ENTPD5: variants seen among roughly 807,000 people sequenced by gnomAD.
The protein encoded by ENTPD5 is nucleoside diphosphate phosphatase ENTPD5.
ENTPD5 carries 49 observed loss-of-function variants against 60.2 expected under a neutral mutation model. The ratio of observed to expected loss-of-function variants is 0.81; its 90% CI spans 0.65 to 1.03. The LOEUF (loss-of-function observed/expected upper bound fraction) is 1.03. Among genes scored for constraint, ENTPD5 ranks in the 50% least tolerant of loss-of-function variants. The pLI, the probability that ENTPD5 is intolerant of heterozygous loss-of-function variation, is 0.00. For missense variants in ENTPD5, 480 were observed against 507.6 expected (o/e 0.95, Z 0.52); for synonymous variants, 187 against 185.4 (o/e 1.01, Z -0.07).
At chr14:73,999,506 C>CA (rs554123908) in intron 3 of ENTPD5, among the ~76,000 whole-genome samples, 99 of 145,188 alleles carry the variant, frequency 6.8e-4, no homozygotes, top group African/African-American at 2.4e-3. Flanking sequence ...CCAAAAAAAA[C>CA]AAAGGTAGGC....
At chr14:73,955,935 C>T (rs1594792754), downstream of ENTPD5, 2 of 1,613,816 alleles carry the variant, frequency 1.2e-6, no homozygotes, top group African/African-American at 1.3e-5. Context: ...TCTGGTGAGG[C>T]CCCCATCTTC....
chr14:74,001,330 G>A (rs535712016), intron 3 of ENTPD5, among the ~76,000 whole-genome samples: 61 of 152,082 alleles, frequency 4.0e-4, no homozygotes, highest in Non-Finnish European at 6.6e-4. Flanking sequence ...GTGAAATCCC[G>A]TCTCTACTAA....
Position 73,963,318 on chromosome 14 carries a change from A to G in ENTPD5, c.*3610T>C. The G allele has an allele frequency of 4.4e-6, 2 of 450,868 alleles. No individual in the cohort carries two copies. Among genetic ancestry groups the G allele is most frequent in the South Asian group, 9.3e-5 (2 of 21,468 alleles). The allele number at this position is 450,868 out of a possible 1,614,324, so 27.9% of individuals were successfully genotyped here. A position where few individuals can be genotyped will look rare whatever the true frequency, so the allele number is the denominator to read the frequency against. On this transcript the variant is annotated 3_prime_UTR_variant, in exon 16 of 16. Coordinates refer to ENST00000334696, the MANE Select transcript of ENTPD5 (RefSeq NM_001249.5). ...TTAATCATTTCTAAAGAGAAAATTT[A>G]CATTTTGTTTTTGTTTTAATGTTGG...
chr14:73,969,598 G>A (rs1018034767), intron 15 of ENTPD5, among the ~76,000 whole-genome samples: 2 of 152,094 alleles, frequency 1.3e-5, no homozygotes, highest in African/African-American at 4.8e-5. Context: ...CAGCTACTTG[G>A]GAGGCTGAGG....
chr14:73,979,284 C>CT (rs1009227766), intron 6 of ENTPD5, among the ~76,000 whole-genome samples: 51 of 146,424 alleles, frequency 3.5e-4, no homozygotes, highest in East Asian at 9.8e-4. Flanking sequence ...CCTTTCCCTG[C>CT]TTTTTTTTTT....
At position 73,966,835 on chromosome 14, in the gene ENTPD5, C is replaced by G. The variant is rs2056991636; in HGVS notation, c.*93G>C. 2 of 935,092 alleles carry G rather than the reference C, an allele frequency of 2.1e-6. No homozygotes were observed. Among genetic ancestry groups the G allele is most frequent in the Non-Finnish European group, 3.4e-6 (2 of 583,502 alleles). 57.9% of individuals were successfully genotyped at this position (935,092 alleles called of 1,614,324 possible). A position where few individuals can be genotyped will look rare whatever the true frequency, so the allele number is the denominator to read the frequency against. Reference sequence around the variant, plus strand: ...AAACCTAAATCTCTAGGCTCAAGTCCAGGATGTCCCCAGACTAGTTCAGAA... The same window carrying G: ...AAACCTAAATCTCTAGGCTCAAGTCGAGGATGTCCCCAGACTAGTTCAGAA... On this transcript the variant is annotated 3_prime_UTR_variant, in exon 16 of 16. Transcript: ENST00000334696.
chr14:73,976,064 G>T, intron 9 of ENTPD5, 49 bp from the exon 10 acceptor site: 1 of 1,477,704 alleles, frequency 6.8e-7, no homozygotes. Context: ...GTAATTACCT[G>T]AAGATGTTCA....
chr14:73,955,515 C>T, downstream of ENTPD5: 1 of 1,613,426 alleles, frequency 6.2e-7, no homozygotes, highest in South Asian at 1.1e-5. Context: ...TGCAGGTGCC[C>T]CTTTATCTTT....
At position 73,999,417 on chromosome 14, in the gene ENTPD5, C is replaced by T. The variant is rs545022064; in HGVS notation, c.-70-11245G>A. The stretch of plus-strand genomic sequence containing the variant: ...GAACGAGAATTGCTTGAACTCAGGA[C>T]GCAGAGGTTGCAGTGAGCCAAGATC... On this transcript the variant is annotated intron_variant, in intron 3 of 15. Coordinates refer to ENST00000334696, the MANE Select transcript of ENTPD5 (RefSeq NM_001249.5). 9.9e-5 allele frequency among the ~76,000 whole-genome samples: 15 copies of T among 151,900 alleles called. No homozygotes were observed. In the East Asian group the frequency reaches 2.5e-3, roughly 26 times the overall value.
downstream of ENTPD5, chr14:73,963,214 G>A (rs182578716): frequency 1.4e-3 from 803 of 589,638 alleles, 7 homozygotes; most frequent in African/African-American, 0.013. Flanking sequence ...AAAAAACTTC[G>A]AAGGAAGACT....
intron 3 of ENTPD5, among the ~76,000 whole-genome samples, chr14:73,991,685 C>T (rs1441542880): frequency 2.0e-5 from 3 of 150,366 alleles, no homozygotes; most frequent in African/African-American, 7.3e-5. Flanking sequence ...GCAGTATCCC[C>T]AGCCTCTATC....
Position 73,977,113 on chromosome 14 carries a change from G to A in ENTPD5, c.518-54C>T, listed in dbSNP as rs1387632142. On this transcript the variant is annotated intron_variant, in intron 7 of 15. Transcript: ENST00000334696. ...TCCCAGAGCATTTTTTCTCTTTCCT[G>A]GCCCCAACCTTGTTTTTTTTTTTTC... 2.6e-6 allele frequency: 4 copies of A among 1,543,102 alleles called. No individual in the cohort carries two copies. In the East Asian group the frequency reaches 6.7e-5, roughly 26 times the overall value.
At chr14:73,973,427 A>G (rs371096777) in intron 12 of ENTPD5, among the ~76,000 whole-genome samples, 98 of 152,332 alleles carry the variant, frequency 6.4e-4, no homozygotes, top group African/African-American at 2.3e-3. Flanking sequence ...GTTTTACTAT[A>G]ATTTAAATAG....
intron 13 of ENTPD5, among the ~76,000 whole-genome samples, chr14:73,972,289 G>A (rs892570577): frequency 1.8e-4 from 27 of 152,082 alleles, no homozygotes; most frequent in Middle Eastern, 3.2e-3. Flanking sequence ...CAGGAGAATC[G>A]GTTGAACCCG....
intron 6 of ENTPD5, among the ~76,000 whole-genome samples, chr14:73,980,664 G>T (rs2057648741): frequency 6.6e-6 from 1 of 152,128 alleles, no homozygotes; most frequent in African/African-American, 2.4e-5. Context: ...CCAAAATGTT[G>T]AGATTACAGG....
rs781331281 is a variant in ENTPD5 at position 73,986,876 on chromosome 14, C to T, written c.235G>A (p.Glu79Lys). The T allele has an allele frequency of 6.2e-7, 1 of 1,614,074 alleles. No homozygotes were observed. Among genetic ancestry groups the T allele is most frequent in the Non-Finnish European group, 8.5e-7 (1 of 1,179,936 alleles). ...TTCACAGAATCAAAAACTTCCCCTT[C>T]TAGAATTGGAAGCTGTCCTATTTTG... Reference protein sequence around the residue: ...QKMPGQLPILEGEVFDSVKPG... With the variant: ...QKMPGQLPILKGEVFDSVKPG... Residue 79 changes from glutamate (E) to lysine (K), a missense_variant, in exon 5 of 16, where the codon GAA becomes AAA. Transcript: ENST00000334696.
intron 2 of ENTPD5, among the ~76,000 whole-genome samples, chr14:74,012,479 T>C (rs2058877864): frequency 1.3e-5 from 2 of 152,230 alleles, no homozygotes; most frequent in Non-Finnish European, 1.5e-5. Context: ...TTAATGTTTG[T>C]TAAATAAATT....
rs974751875 is a variant in ENTPD5 at position 73,976,495 on chromosome 14, A to G, written c.554-83T>C. On this transcript the variant is annotated intron_variant, in intron 8 of 15. Coordinates refer to ENST00000334696, the MANE Select transcript of ENTPD5 (RefSeq NM_001249.5). ...TCTCTCTTGCTCTTATCATACACTG[A>G]AGGTATTCCATACATACTCCACTGC... 19 of 1,081,574 alleles carry G rather than the reference A, an allele frequency of 1.8e-5. No homozygotes were observed. In the African/African-American group the frequency reaches 2.8e-4, roughly 16 times the overall value. The allele number at this position is 1,081,574 out of a possible 1,614,324, so 67.0% of individuals were successfully genotyped here. A position where few individuals can be genotyped will look rare whatever the true frequency, so the allele number is the denominator to read the frequency against.
intron 15 of ENTPD5, among the ~76,000 whole-genome samples, chr14:73,967,799 CAAAAAAAA>C (rs33926682): frequency 9.2e-5 from 9 of 97,842 alleles, no homozygotes; most frequent in African/African-American, 3.7e-4. Flanking sequence ...GACCCTGTCT[CAAAAAAAA>C]AAAAAAAAAA....
Sources: allele counts gnomAD v4.1 joint callset (sites outside exome capture counted in the v4.1 genomes callset), GRCh38; gene constraint gnomAD v4.1.1; transcripts MANE v1.5; gene names NCBI Gene and HGNC (gene_info 2026-07-23, HGNC 2026-07-21).